Variants in RAB11B observed in about 807,000 individuals in gnomAD.
The protein encoded by RAB11B is ras-related protein Rab-11B.
In RAB11B, 7 loss-of-function variants were observed where a neutral mutation model predicts 23.7. The ratio of observed to expected loss-of-function variants is 0.29; its 90% CI spans 0.17 to 0.55. RAB11B has a LOEUF of 0.55. RAB11B is among the 20% of genes least tolerant of loss of function. The probability of loss-of-function intolerance (pLI) is 0.93; values close to 1 mark genes in which losing one functional copy is unlikely to be tolerated. For synonymous variants in RAB11B, 138 were observed against 132.0 expected, an observed-to-expected ratio of 1.05 and a Z score of -0.31; for missense variants, 189 against 320.0, an observed-to-expected ratio of 0.59 and a Z score of 3.12.
intron 1 of RAB11B, among the ~76,000 whole-genome samples, chr19:8,391,397 G>A (rs7254836): frequency 0.1 from 15,177 of 152,270 alleles, 1,686 homozygotes; most frequent in African/African-American, 0.28. Flanking sequence ...TGATGGCCGG[G>A]GCCCCAGCCA....
At chr19:8,401,571 G>C (rs1225130604) in intron 2 of RAB11B, among the ~76,000 whole-genome samples, 1 of 151,614 alleles carries the variant, frequency 6.6e-6, no homozygotes, top group Non-Finnish European at 1.5e-5. Flanking sequence ...ATTTTTAGTA[G>C]AGATGGGGTT....
chr19:8,396,994 C>G lies in RAB11B; in HGVS notation c.41-2869C>G, dbSNP rs1037909252. 1.3e-5 allele frequency among the ~76,000 whole-genome samples: 2 copies of G among 152,200 alleles called. No homozygotes were observed. The highest frequency in any genetic ancestry group is 2.4e-5 in the African/African-American group (1 of 41,450). ...ATGGTGGGGTGCACCCCTCGTCCTC[C>G]CTTCTCTTGGATCTGTTTCGGATGT... On this transcript the variant is annotated intron_variant, in intron 1 of 4. Coordinates refer to ENST00000328024, the MANE Select transcript of RAB11B (RefSeq NM_004218.4). This position sits in a 1 kb window ranked among gnomAD's most constrained non-coding sequence, Gnocchi z 5.0.
chr19:8,403,338 C>G (rs899197129), intron 4 of RAB11B, 75 bp from the exon 5 acceptor site: 3 of 1,551,492 alleles, frequency 1.9e-6, no homozygotes, highest in African/African-American at 1.4e-5. Flanking sequence ...CTCTGGAGTC[C>G]TGCAGGGAGG....
At chr19:8,399,807 TG>T (rs1971423694) in intron 1 of RAB11B, 55 bp from the exon 2 acceptor site, 1 of 1,576,172 alleles carries the variant, frequency 6.3e-7, no homozygotes, top group Non-Finnish European at 8.7e-7. Flanking sequence ...GGGAAGGTTG[TG>T]GGGGCAGTCG....
rs1971427884 is a variant in RAB11B at position 8,400,383 on chromosome 19, C to A, written c.236+325C>A. On this transcript the variant is annotated intron_variant, in intron 2 of 4. Coordinates refer to ENST00000328024, the MANE Select transcript of RAB11B (RefSeq NM_004218.4). ...GCTTCCCTCCTCACTGGTGCCCACACCTGGTCCCACACGCCTCCTGTCCTC... is the reference window on the plus strand; with the variant it reads ...GCTTCCCTCCTCACTGGTGCCCACAACTGGTCCCACACGCCTCCTGTCCTC... 4 of 381,738 alleles carry A rather than the reference C, an allele frequency of 1.0e-5. No individual in the cohort carries two copies. The South Asian group carries it at 1.3e-4, about 12-fold the overall frequency. 23.6% of individuals were successfully genotyped at this position (381,738 alleles called of 1,614,324 possible).
chr19:8,403,682 G>T lies in RAB11B; in HGVS notation c.*124G>T. 2.2e-6 allele frequency: 3 copies of T among 1,351,426 alleles called. No homozygotes were observed. The highest frequency in any genetic ancestry group is 2.5e-5 in the East Asian group (1 of 39,332). 83.7% of individuals were successfully genotyped at this position (1,351,426 alleles called of 1,614,324 possible). A position where few individuals can be genotyped will look rare whatever the true frequency, so the allele number is the denominator to read the frequency against. On this transcript the variant is annotated 3_prime_UTR_variant, in exon 5 of 5. Coordinates refer to ENST00000328024, the MANE Select transcript of RAB11B (RefSeq NM_004218.4). ...CCAGCCCTCCCAGTGAGCTCTGCAC[G>T]GCCGGGCCGGGGCCCAGGAAGGACA...
At chr19:8,399,747 C>A in intron 1 of RAB11B, 116 bp from the exon 2 acceptor site, 3 of 1,186,106 alleles carry the variant, frequency 2.5e-6, no homozygotes, top group Non-Finnish European at 3.6e-6. Flanking sequence ...CATCTCTCGA[C>A]TCCTCCACAC....
At chr19:8,400,732 A>T (rs2145512097) in intron 2 of RAB11B, among the ~76,000 whole-genome samples, 1 of 145,098 alleles carries the variant, frequency 6.9e-6, no homozygotes, top group East Asian at 2.1e-4. Flanking sequence ...GATTATAGGC[A>T]CATGCCGCCA....
In RAB11B at chr19:8,396,660, C is replaced by T. The variant is rs1359985550; in HGVS notation, c.41-3203C>T. Among the ~76,000 whole-genome samples the T allele has an allele frequency of 1.5e-5, 2 of 135,282 alleles. No individual in the cohort carries two copies. The highest frequency in any genetic ancestry group is 3.1e-5 in the Non-Finnish European group (2 of 64,112). The allele number at this position is 135,282 out of a possible 152,430, so 88.8% of individuals were successfully genotyped here. On this transcript the variant is annotated intron_variant, in intron 1 of 4. Transcript: ENST00000328024. The surrounding 1 kb of genome is among the most constrained non-coding windows in gnomAD (Gnocchi z 5.0). ...GGCCCTGAGGCAGGATCGCACCTGG[C>T]GTGTTGGGGGAACAGCATGGAGGCC...
chr19:8,399,796 C>T lies in RAB11B; in HGVS notation c.41-67C>T, dbSNP rs1033731417. On this transcript the variant is annotated intron_variant, in intron 1 of 4. Coordinates refer to ENST00000328024, the MANE Select transcript of RAB11B (RefSeq NM_004218.4). The stretch of plus-strand genomic sequence containing the variant: ...GTTGGTGCAGCACCCAGGGAACCGG[C>T]GGGAAGGTTGTGGGGGCAGTCGTGG... 30 of 1,557,898 alleles carry T rather than the reference C, an allele frequency of 1.9e-5. No individual in the cohort carries two copies. The African/African-American group carries it at 2.3e-4, about 12-fold the overall frequency.
rs371446650 is a variant in RAB11B at position 8,402,079 on chromosome 19, C to T, written c.237-7C>T. ...CCAGAGAGGCTCATGGGCCCCTGACCCTGCAGGTACTACCGTGGTGCAGTG... is the reference window on the plus strand; with the variant it reads ...CCAGAGAGGCTCATGGGCCCCTGACTCTGCAGGTACTACCGTGGTGCAGTG... On this transcript the variant is annotated splice_polypyrimidine_tract_variant and splice_region_variant and intron_variant, in intron 2 of 4. Transcript: ENST00000328024. 2.5e-6 allele frequency: 4 copies of T among 1,580,162 alleles called. No homozygotes were observed. Among genetic ancestry groups the T allele is most frequent in the Non-Finnish European group, 3.4e-6 (4 of 1,162,192 alleles).
intron 4 of RAB11B, 89 bp downstream of exon 4, chr19:8,402,654 C>CTTGTTTTCTTCTTT: frequency 1.1e-6 from 1 of 929,930 alleles, no homozygotes; most frequent in Non-Finnish European, 1.7e-6. Flanking sequence ...TGTTCGTTTG[C>CTTGTTTTCTTCTTT]TTGTTTTTTT....
At chr19:8,401,389 A>AT (rs2145512595) in intron 2 of RAB11B, among the ~76,000 whole-genome samples, 1 of 133,156 alleles carries the variant, frequency 7.5e-6, no homozygotes, top group African/African-American at 2.9e-5. Context: ...CTATTTATTT[A>AT]TTTTTTTGAG....
rs1372328261 is a variant in RAB11B, at chr19:8,392,152, C to G, written c.40+1696C>G. ...TGCTCCCAGGTCCTGGCTGGGCACC[C>G]ACCCAGACGTGGCACTGCCAGGGCA... On this transcript the variant is annotated intron_variant, in intron 1 of 4. Coordinates refer to ENST00000328024, the MANE Select transcript of RAB11B (RefSeq NM_004218.4). 2.0e-5 allele frequency among the ~76,000 whole-genome samples: 3 copies of G among 152,248 alleles called. No homozygotes were observed. The East Asian group carries it at 5.8e-4, about 30-fold the overall frequency.
chr19:8,402,391 G>A, intron 3 of RAB11B, 94 bp from the exon 4 acceptor site: 2 of 1,552,518 alleles, frequency 1.3e-6, no homozygotes, highest in Admixed American at 1.8e-5. Flanking sequence ...GAGTGGCCTT[G>A]GGATGGGCCA....
intron 4 of RAB11B, chr19:8,402,877 G>A (rs1971449629): frequency 1.9e-6 from 1 of 514,268 alleles, no homozygotes; most frequent in African/African-American, 1.9e-5. Flanking sequence ...TGTCCAGGTT[G>A]ATCTCGAACT....
At chr19:8,392,685 CTTT>C (rs74176644) in intron 1 of RAB11B, among the ~76,000 whole-genome samples, 15 of 79,668 alleles carry the variant, frequency 1.9e-4, no homozygotes, top group African/African-American at 6.5e-4. Flanking sequence ...TTTTTCTTTT[CTTT>C]TTTTTTTTTT....
At chr19:8,391,256 A>G (rs576264849) in intron 1 of RAB11B, among the ~76,000 whole-genome samples, 2 of 152,342 alleles carry the variant, frequency 1.3e-5, no homozygotes, top group South Asian at 4.1e-4. Context: ...GACACAGTTT[A>G]TAAGTGTTGG....
In RAB11B at chr19:8,403,887, A is replaced by C; in HGVS notation, c.*329A>C. On this transcript the variant is annotated 3_prime_UTR_variant, in exon 5 of 5. Transcript: ENST00000328024. ...CGCCTTCTCCCCTTTTCCTTGGCCG[A>C]CTCTAGGGAGCGATTGCCTCCCTCC... The C allele has an allele frequency of 4.1e-6, 1 of 243,848 alleles. No individual in the cohort carries two copies. The highest frequency in any genetic ancestry group is 7.9e-6 in the Non-Finnish European group (1 of 126,708). The allele number at this position is 243,848 out of a possible 1,614,324, so 15.1% of individuals were successfully genotyped here.
Sources: allele counts gnomAD v4.1 joint callset (sites outside exome capture counted in the v4.1 genomes callset), GRCh38; gene constraint gnomAD v4.1.1; non-coding constraint Gnocchi (gnomAD v3.1); transcripts MANE v1.5; gene names NCBI Gene and HGNC (gene_info 2026-07-23, HGNC 2026-07-21).